CADM2: variants seen among roughly 807,000 people sequenced by gnomAD.
CADM2 encodes cell adhesion molecule 2.
CADM2 carries 12 observed loss-of-function variants against 49.8 expected under a neutral mutation model. The ratio of observed to expected loss-of-function variants is 0.24; its 90% CI spans 0.15 to 0.39. The LOEUF (loss-of-function observed/expected upper bound fraction) is 0.39. Among genes scored for constraint, CADM2 ranks in the 10% least tolerant of loss-of-function variants. The pLI is 1.00. For missense variants in CADM2, 378 were observed against 492.3 expected (o/e 0.77, Z 2.20); for synonymous variants, 214 against 175.4 (o/e 1.22, Z -1.74).
At position 85,894,073 on chromosome 3, in the gene CADM2, G is replaced by A. The variant is rs375912174; in HGVS notation, c.529+7746G>A. Among the ~76,000 whole-genome samples, 1,069 of 152,166 alleles carry A rather than the reference G, an allele frequency of 7.0e-3. 6 individuals carry two copies. Among genetic ancestry groups the A allele is most frequent in the Non-Finnish European group, 0.012 (790 of 68,010 alleles). On this transcript the variant is annotated intron_variant, in intron 5 of 9. Transcript: ENST00000383699. ...GTATGTTTATTGCGGCACTATTCACGATAGCAAAGACTTGGAACCAAGCCA... is the reference window on the plus strand; with the variant it reads ...GTATGTTTATTGCGGCACTATTCACAATAGCAAAGACTTGGAACCAAGCCA...
chr3:85,328,221 G>A (rs1458652347), intron 1 of CADM2, among the ~76,000 whole-genome samples: 1 of 152,064 alleles, frequency 6.6e-6, no homozygotes. Context: ...TGTATATCTT[G>A]TAGGTCAAAA....
At chr3:85,618,681 A>G (rs2063872507) in intron 1 of CADM2, among the ~76,000 whole-genome samples, 1 of 152,078 alleles carries the variant, frequency 6.6e-6, no homozygotes, top group South Asian at 2.1e-4. Flanking sequence ...TATAATACAC[A>G]TATTATACTA....
intron 8 of CADM2, among the ~76,000 whole-genome samples, chr3:85,998,328 C>A (rs1286279533): frequency 2.6e-5 from 4 of 151,992 alleles, no homozygotes; most frequent in African/African-American, 9.7e-5. Context: ...TGACATTTCT[C>A]GTAGTTACAA....
chr3:85,645,742 T>C (rs1476348831), intron 1 of CADM2, among the ~76,000 whole-genome samples: 2 of 152,010 alleles, frequency 1.3e-5, no homozygotes, highest in Non-Finnish European at 2.9e-5. Flanking sequence ...AATATGGATA[T>C]AGTGTTTTTT....
chr3:85,111,740 T>C (rs1250656665), intron 1 of CADM2, among the ~76,000 whole-genome samples: 1 of 151,848 alleles, frequency 6.6e-6, no homozygotes, highest in African/African-American at 2.4e-5. Context: ...TATTTTTAAA[T>C]AACTTAAAGA....
chr3:85,071,019 T>TAAATAAATAAACAAAC (rs1052439937), intron 1 of CADM2, among the ~76,000 whole-genome samples: 3 of 149,676 alleles, frequency 2.0e-5, no homozygotes, highest in African/African-American at 7.3e-5. Context: ...AATAAATAAA[T>TAAATAAATAAACAAAC]AAACAAATAA....
chr3:85,479,804 C>T lies in CADM2; in HGVS notation c.62-246718C>T, dbSNP rs79785461. On this transcript the variant is annotated intron_variant, in intron 1 of 9. Transcript: ENST00000383699. ...TTTAATGGGAACCTTGACTCCTAAA[C>T]TTTGGGAGAAAAGGATATGTCCTGT... 9.4e-3 allele frequency among the ~76,000 whole-genome samples: 1,424 copies of T among 151,996 alleles called. 21 individuals are homozygous for T. Among genetic ancestry groups the T allele is most frequent in the African/African-American group, 0.031 (1,267 of 41,504 alleles).
chr3:85,923,275 C>T (rs2108508408), intron 6 of CADM2, among the ~76,000 whole-genome samples: 1 of 152,096 alleles, frequency 6.6e-6, no homozygotes, highest in South Asian at 2.1e-4. Flanking sequence ...CATATGGTTG[C>T]AAAATATTGT....
chr3:85,003,177 C>T (rs1040432369), intron 1 of CADM2, among the ~76,000 whole-genome samples: 4 of 150,982 alleles, frequency 2.6e-5, no homozygotes, highest in Non-Finnish European at 6.0e-5. Context: ...AGGCCAAATA[C>T]TAAAAATAGT....
At chr3:85,119,331 C>A (rs1231049748) in intron 1 of CADM2, among the ~76,000 whole-genome samples, 1 of 152,002 alleles carries the variant, frequency 6.6e-6, no homozygotes, top group African/African-American at 2.4e-5. Flanking sequence ...ATTTCTGAAA[C>A]CTTTGTTCTG....
chr3:85,601,130 GTATATATA>G (rs375011644), intron 1 of CADM2, among the ~76,000 whole-genome samples: 2,277 of 109,562 alleles, frequency 0.021, 74 homozygotes, highest in African/African-American at 0.058. Context: ...ATATATGTGT[GTATATATA>G]TATATATATA....
intron 1 of CADM2, among the ~76,000 whole-genome samples, chr3:85,333,806 G>A (rs72903244): frequency 0.071 from 10,805 of 151,520 alleles, 729 homozygotes; most frequent in African/African-American, 0.18. Context: ...ATTATATTTC[G>A]AAGTAAGTTG....
At chr3:85,815,593 T>C (rs1463330037) in intron 3 of CADM2, among the ~76,000 whole-genome samples, 3 of 152,078 alleles carry the variant, frequency 2.0e-5, no homozygotes, top group East Asian at 1.9e-4. Context: ...ATAGAACATA[T>C]CTCAAAATAA....
At chr3:85,440,809 C>T (rs2037165953) in intron 1 of CADM2, among the ~76,000 whole-genome samples, 1 of 151,898 alleles carries the variant, frequency 6.6e-6, no homozygotes, top group Non-Finnish European at 1.5e-5. Flanking sequence ...ATGGTGAAAC[C>T]CCATCTTTAC....
intron 8 of CADM2, among the ~76,000 whole-genome samples, chr3:85,969,988 CACTCATACACTCACACACACACACAA>C (rs1725919262): frequency 1.2e-4 from 2 of 16,894 alleles, no homozygotes; most frequent in African/African-American, 4.9e-3. Flanking sequence ...TATATATATA[CACTCATACACTCACACACACACACAA>C]ACAGCCTTGA....
In CADM2 at chr3:85,474,556, A is replaced by G. The variant is rs562561300; in HGVS notation, c.62-251966A>G. Reference sequence around the variant, plus strand: ...TGGTGCAGCCAAGTTGACACATACAATTAAGCATATCATTACCTAAATGAG... The same window carrying G: ...TGGTGCAGCCAAGTTGACACATACAGTTAAGCATATCATTACCTAAATGAG... On this transcript the variant is annotated intron_variant, in intron 1 of 9. Coordinates refer to ENST00000383699, the MANE Select transcript of CADM2 (RefSeq NM_001167675.2). Among the ~76,000 whole-genome samples the G allele has an allele frequency of 7.9e-5, 12 of 152,118 alleles. No individual in the cohort carries two copies. In the East Asian group the frequency reaches 1.5e-3, roughly 20 times the overall value.
intron 1 of CADM2, among the ~76,000 whole-genome samples, chr3:85,394,541 T>C (rs1361687568): frequency 6.6e-6 from 1 of 152,206 alleles, no homozygotes; most frequent in East Asian, 1.9e-4. Flanking sequence ...TAACTCCTCT[T>C]ATCTAGCTAG....
At chr3:85,732,344 T>A (rs1375215) in intron 2 of CADM2, among the ~76,000 whole-genome samples, 64,057 of 151,534 alleles carry the variant, frequency 0.42, 13,575 homozygotes, top group South Asian at 0.49. Context: ...GAATCAGGAG[T>A]CAATTATTGA....
chr3:85,979,622 T>A (rs930669676), intron 8 of CADM2, among the ~76,000 whole-genome samples: 5 of 151,672 alleles, frequency 3.3e-5, no homozygotes, highest in Non-Finnish European at 7.4e-5. Context: ...TGTTCATGTG[T>A]GCAGAGGTAG....
Sources: gnomAD v4.1 joint callset for allele counts (sites outside exome capture counted in the v4.1 genomes callset) on GRCh38, gnomAD v4.1.1 for gene constraint, MANE v1.5 for transcripts, NCBI Gene and HGNC (gene_info 2026-07-23, HGNC 2026-07-21) for gene names.